The following CMSS1 variants were observed in gnomAD, a reference collection of about 807,000 sequenced individuals.
CMSS1 encodes protein CMSS1.
Under a neutral mutation model 43.5 loss-of-function variants are expected in CMSS1, and 33 were observed. The observed-to-expected ratio is 0.76, with a 90% CI of 0.57 to 1.01. CMSS1 has a LOEUF of 1.01. Among genes scored for constraint, CMSS1 ranks in the 50% least tolerant of loss-of-function variants. The pLI is 0.00. For synonymous variants in CMSS1, 115 were observed against 117.2 expected, an observed-to-expected ratio of 0.98 and a Z score of 0.12; for missense variants, 313 against 326.4, an observed-to-expected ratio of 0.96 and a Z score of 0.32.
chr3:100,106,820 A>C (rs1296579169), intron 1 of CMSS1, among the ~76,000 whole-genome samples: 1 of 152,142 alleles, frequency 6.6e-6, no homozygotes, highest in East Asian at 1.9e-4. Flanking sequence ...GTATGTTTTC[A>C]TATGTCTGGA....
intron 1 of CMSS1, among the ~76,000 whole-genome samples, chr3:99,958,873 T>C (rs1428147567): frequency 6.6e-6 from 1 of 152,184 alleles, no homozygotes; most frequent in Non-Finnish European, 1.5e-5. Context: ...AATTTTGGCT[T>C]TACACTTAGG....
At chr3:100,133,659 C>A (rs1014526607) in intron 1 of CMSS1, among the ~76,000 whole-genome samples, 7 of 152,136 alleles carry the variant, frequency 4.6e-5, no homozygotes, top group African/African-American at 1.4e-4. Flanking sequence ...CGTTATCTCA[C>A]CCCCATCACG....
chr3:100,095,131 T>G (rs892557409), intron 1 of CMSS1, among the ~76,000 whole-genome samples: 1 of 152,168 alleles, frequency 6.6e-6, no homozygotes, highest in Non-Finnish European at 1.5e-5. Flanking sequence ...CAGTCTTGAT[T>G]ACTATAGTTA....
At chr3:100,154,829 A>G (rs1358716136) in intron 2 of CMSS1, among the ~76,000 whole-genome samples, 1 of 152,066 alleles carries the variant, frequency 6.6e-6, no homozygotes, top group African/African-American at 2.4e-5. Flanking sequence ...AAAAGTAGCT[A>G]GGCATGGAGG....
intron 6 of CMSS1, among the ~76,000 whole-genome samples, chr3:100,169,320 ATAT>A (rs1308678876): frequency 1.3e-5 from 2 of 152,206 alleles, no homozygotes; most frequent in Non-Finnish European, 2.9e-5. Flanking sequence ...GTCAGTGGTA[ATAT>A]TCAGCTTTCA....
intron 1 of CMSS1, among the ~76,000 whole-genome samples, chr3:100,129,166 A>G (rs751222690): frequency 1.3e-5 from 2 of 152,164 alleles, no homozygotes; most frequent in African/African-American, 4.8e-5. Flanking sequence ...GCTTATACAC[A>G]TGTCTGTCTT....
At chr3:100,167,617 A>G in intron 5 of CMSS1, 121 bp from the exon 6 acceptor site, 1 of 499,952 alleles carries the variant, frequency 2.0e-6, no homozygotes, top group Non-Finnish European at 3.6e-6. Flanking sequence ...TGTAATTATA[A>G]TGAACCATGC....
At chr3:99,932,138 T>C (rs1707501461) in intron 1 of CMSS1, among the ~76,000 whole-genome samples, 1 of 152,188 alleles carries the variant, frequency 6.6e-6, no homozygotes. Flanking sequence ...TACTGTATTA[T>C]AGATGTATTA....
intron 1 of CMSS1, among the ~76,000 whole-genome samples, chr3:99,822,484 A>G (rs1380041602): frequency 6.6e-6 from 1 of 152,122 alleles, no homozygotes; most frequent in Admixed American, 6.5e-5. Flanking sequence ...TAGTCCCTAC[A>G]CTTTGGGAGG....
At chr3:100,063,268 C>T (rs2065605143) in intron 1 of CMSS1, among the ~76,000 whole-genome samples, 1 of 152,092 alleles carries the variant, frequency 6.6e-6, no homozygotes, top group Non-Finnish European at 1.5e-5. Flanking sequence ...TTTTTCCTTT[C>T]TCCTCAGTTT....
intron 1 of CMSS1, among the ~76,000 whole-genome samples, chr3:99,975,007 C>G (rs1002115923): frequency 2.0e-5 from 3 of 152,080 alleles, no homozygotes; most frequent in African/African-American, 7.2e-5. Context: ...ACATTTATGA[C>G]AAAAGATCAA....
In CMSS1 at chr3:100,036,816, T is replaced by C. The variant is rs184815785; in HGVS notation, c.65-110157T>C. On this transcript the variant is annotated intron_variant, in intron 1 of 9. Transcript: ENST00000421999. The stretch of plus-strand genomic sequence containing the variant: ...TTTAACCAAGTGATCAAAGTTACCA[T>C]CATCAATAGTAGAACAAATTGACAT... Among the ~76,000 whole-genome samples, 13 of 152,318 alleles carry C rather than the reference T, an allele frequency of 8.5e-5. 1 individual carries two copies. The South Asian group carries it at 2.5e-3, about 29-fold the overall frequency.
intron 1 of CMSS1, among the ~76,000 whole-genome samples, chr3:100,135,313 A>G (rs2066742522): frequency 6.6e-6 from 1 of 152,200 alleles, no homozygotes; most frequent in Non-Finnish European, 1.5e-5. Context: ...TAAATGTTCA[A>G]ACATTTAAAA....
chr3:99,857,705 C>G (rs962496982), intron 1 of CMSS1, among the ~76,000 whole-genome samples: 1 of 152,120 alleles, frequency 6.6e-6, no homozygotes, highest in Non-Finnish European at 1.5e-5. Flanking sequence ...ACGAATTCCA[C>G]AAGCCATTAA....
At chr3:100,101,915 C>A (rs935507691) in intron 1 of CMSS1, among the ~76,000 whole-genome samples, 1 of 152,094 alleles carries the variant, frequency 6.6e-6, no homozygotes, top group South Asian at 2.1e-4. Context: ...ATGATGGTTT[C>A]CAGCTTCATC....
intron 1 of CMSS1, among the ~76,000 whole-genome samples, chr3:99,990,110 T>C (rs1050959309): frequency 1.3e-5 from 2 of 152,214 alleles, no homozygotes; most frequent in South Asian, 2.1e-4. Context: ...ATTGAACTTA[T>C]ATTTACCCAG....
intron 1 of CMSS1, among the ~76,000 whole-genome samples, chr3:99,962,059 A>G (rs1708509766): frequency 6.6e-6 from 1 of 152,182 alleles, no homozygotes; most frequent in Non-Finnish European, 1.5e-5. Flanking sequence ...CACACCACAC[A>G]AGCAAAGTCC....
intron 1 of CMSS1, among the ~76,000 whole-genome samples, chr3:100,093,571 C>T (rs2066150687): frequency 6.6e-6 from 1 of 152,140 alleles, no homozygotes; most frequent in Non-Finnish European, 1.5e-5. Flanking sequence ...CCAGTTTCCT[C>T]CAATGGTAAC....
chr3:99,858,791 A>G (rs1944100151), intron 1 of CMSS1, among the ~76,000 whole-genome samples: 1 of 152,226 alleles, frequency 6.6e-6, no homozygotes, highest in Non-Finnish European at 1.5e-5. Context: ...AAAGGGGGCC[A>G]CACTTTAAGA....
Sources: gnomAD v4.1 joint callset for allele counts (sites outside exome capture counted in the v4.1 genomes callset) on GRCh38, gnomAD v4.1.1 for gene constraint, MANE v1.5 for transcripts, NCBI Gene and HGNC (gene_info 2026-07-23, HGNC 2026-07-21) for gene names.